ENPP1: variants seen among roughly 807,000 people sequenced by gnomAD.
ENPP1 encodes ectonucleotide pyrophosphatase/phosphodiesterase family member 1.
A neutral mutation model predicts 122.8 loss-of-function variants in ENPP1; 73 were observed. The observed-to-expected ratio is 0.59, with a 90% CI of 0.49 to 0.72. ENPP1 has a LOEUF of 0.72. Among genes scored for constraint, ENPP1 ranks in the 30% least tolerant of loss-of-function variants. ENPP1 has a pLI of 0.00. For missense variants in ENPP1, 978 were observed against 1,128.1 expected, an observed-to-expected ratio of 0.87 and a Z score of 1.91; for synonymous variants, 367 against 391.6, an observed-to-expected ratio of 0.94 and a Z score of 0.74.
intron 16 of ENPP1, among the ~76,000 whole-genome samples, chr6:131,875,168 T>A (rs936532879): frequency 1.1e-4 from 16 of 152,166 alleles, no homozygotes; most frequent in African/African-American, 3.9e-4. Flanking sequence ...CACTGTGCAA[T>A]ATATCCATGT....
At chr6:131,851,053 A>C (rs1781874288) in intron 3 of ENPP1, 89 bp from the exon 4 acceptor site, 3 of 1,446,286 alleles carry the variant, frequency 2.1e-6, no homozygotes, top group Non-Finnish European at 2.9e-6. Flanking sequence ...TTGCTCATGG[A>C]TCATACTCAG....
rs1053317243 is a variant in ENPP1, at chr6:131,833,580, T to C, written c.241-14196T>C. ...TTTGTGTCATACTTGTAAAGCAAAA[T>C]TGTAAAAATATTTGCTCATCTTTTC... is the stretch of plus-strand genomic sequence containing the variant. On this transcript the variant is annotated intron_variant, in intron 1 of 24. Transcript: ENST00000647893. Among the ~76,000 whole-genome samples the C allele has an allele frequency of 3.3e-5, 5 of 152,324 alleles. No individual in the cohort carries two copies. The East Asian group carries it at 5.8e-4, about 18-fold the overall frequency.
intron 13 of ENPP1, among the ~76,000 whole-genome samples, chr6:131,869,838 T>TG (rs1782138436): frequency 2.2e-5 from 3 of 133,578 alleles, no homozygotes; most frequent in Non-Finnish European, 3.1e-5. Flanking sequence ...CCTGGGCAAC[T>TG]GAGTGAGACT....
rs78442635 is a variant in ENPP1, at chr6:131,880,891, G to T, written c.2100+857G>T. The stretch of plus-strand genomic sequence containing the variant: ...AGAGGAGTTAGGCCTTGAAAGGAGT[G>T]AGGGCAAATATCCCAGAATAAGAGC... On this transcript the variant is annotated intron_variant, in intron 20 of 24. Coordinates refer to ENST00000647893, the MANE Select transcript of ENPP1 (RefSeq NM_006208.3). Among the ~76,000 whole-genome samples, 718 of 152,272 alleles carry T rather than the reference G, an allele frequency of 4.7e-3. 3 individuals are homozygous for T. The highest frequency in any genetic ancestry group is 0.016 in the African/African-American group (679 of 41,562).
At position 131,808,158 on chromosome 6, in the gene ENPP1, G is replaced by GTGTA; in HGVS notation, c.123_124insTGTA (p.Asp42CysfsTer36). 6.9e-7 allele frequency: 1 copy of GTGTA among 1,452,470 alleles called. No homozygotes were observed. The highest frequency in any genetic ancestry group is 3.0e-5 in the East Asian group (1 of 33,252). The allele number at this position is 1,452,470 out of a possible 1,614,324, so 90.0% of individuals were successfully genotyped here. A position where few individuals can be genotyped will look rare whatever the true frequency, so the allele number is the denominator to read the frequency against. On this transcript the variant is annotated frameshift_variant, in exon 1 of 25. Coordinates refer to ENST00000647893, the MANE Select transcript of ENPP1 (RefSeq NM_006208.3). LOFTEE classifies it high-confidence loss of function. ...GCAGCCACGCTGCCGAGGCGCCCGG[G>GTGTA]GACCCGCAGGCGGCCGCGTCCTTGC...
rs1423613557 is a variant in ENPP1, at chr6:131,890,385, ACACAGAGCACGGAT to A, written c.2659_2672del (p.Ala887CysfsTer2). The A allele has an allele frequency of 6.8e-6, 11 of 1,613,764 alleles. No individual in the cohort carries two copies. The highest frequency in any genetic ancestry group is 8.5e-6 in the Non-Finnish European group (10 of 1,179,738). ...CATGGGTTGAAGAATTGTTAATGTTACACAGAGCACGGATCACAGATGTTGAGCACATCACTGGA... is the reference window on the plus strand; with the variant it reads ...CATGGGTTGAAGAATTGTTAATGTTACACAGATGTTGAGCACATCACTGGA... On this transcript the variant is annotated frameshift_variant, in exon 25 of 25. Coordinates refer to ENST00000647893, the MANE Select transcript of ENPP1 (RefSeq NM_006208.3). LOFTEE classifies it high-confidence loss of function.
chr6:131,816,013 G>A (rs901028848), intron 1 of ENPP1, among the ~76,000 whole-genome samples: 3 of 148,494 alleles, frequency 2.0e-5, no homozygotes, highest in African/African-American at 5.1e-5. Context: ...GAGCCACCAC[G>A]CCCGGCTGTA....
In ENPP1 at chr6:131,895,019, A is replaced by G. The variant is rs1269517562; in HGVS notation, c.*4508A>G. 1.3e-5 allele frequency: 2 copies of G among 152,256 alleles called. No homozygotes were observed. The highest frequency in any genetic ancestry group is 2.9e-5 in the Non-Finnish European group (2 of 68,052). The allele number at this position is 152,256 out of a possible 1,614,324, so 9.4% of individuals were successfully genotyped here. ...CATAAGCATTAAGTAAAATTTTATA[A>G]TGACTGCAGTCCAAGGACATTTTCC... On this transcript the variant is annotated 3_prime_UTR_variant, in exon 25 of 25. Coordinates refer to ENST00000647893, the MANE Select transcript of ENPP1 (RefSeq NM_006208.3).
chr6:131,882,324 CT>C lies in ENPP1; in HGVS notation c.2101-19del. ...TCTCTGTGCCTGATATCTGAGAGTT[CT>C]TCTCATTTTCGTTCTTCAGGACAGT... On this transcript the variant is annotated intron_variant, in intron 20 of 24. Coordinates refer to ENST00000647893, the MANE Select transcript of ENPP1 (RefSeq NM_006208.3). The C allele has an allele frequency of 3.2e-6, 5 of 1,553,588 alleles. No individual in the cohort carries two copies. The highest frequency in any genetic ancestry group is 4.3e-6 in the Non-Finnish European group (5 of 1,160,134).
At chr6:131,827,098 C>G (rs1427211285) in intron 1 of ENPP1, 2 of 671,616 alleles carry the variant, frequency 3.0e-6, no homozygotes, top group Non-Finnish European at 5.6e-6. Context: ...ACCTCCATTT[C>G]GGTGAACTCA....
intron 1 of ENPP1, among the ~76,000 whole-genome samples, chr6:131,834,298 G>A (rs549816477): frequency 1.1e-4 from 16 of 152,258 alleles, no homozygotes; most frequent in African/African-American, 3.9e-4. Context: ...GACAGAAGAG[G>A]AGAATAATTG....
rs1194612737 is a variant in ENPP1 at position 131,854,994 on chromosome 6, G to A, written c.686G>A (p.Gly229Asp). Residue 229 changes from glycine to aspartate, a missense_variant, in exon 6 of 25, where the codon GGT becomes GAT. By Grantham distance (94) the Gly-to-Asp change is moderately conservative. Coordinates refer to ENST00000647893, the MANE Select transcript of ENPP1 (RefSeq NM_006208.3). ...AGGGCAGAATATTTACACACTTGGGGTGGACTTCTTCCTGTTATTAGCAAA... is the reference window on the plus strand; with the variant it reads ...AGGGCAGAATATTTACACACTTGGGATGGACTTCTTCCTGTTATTAGCAAA... Reference protein sequence around the residue: ...GFRAEYLHTWGGLLPVISKLK... With the variant: ...GFRAEYLHTWDGLLPVISKLK... The A allele has an allele frequency of 2.5e-6, 4 of 1,613,062 alleles. No homozygotes were observed. The highest frequency in any genetic ancestry group is 3.4e-6 in the Non-Finnish European group (4 of 1,179,212).
chr6:131,887,320 A>G (rs1192026696), intron 24 of ENPP1, among the ~76,000 whole-genome samples: 1 of 151,562 alleles, frequency 6.6e-6, no homozygotes, highest in African/African-American at 2.4e-5. Context: ...ATTGTTTTAT[A>G]TTATCTTATT....
At chr6:131,855,433 C>G (rs1429626192) in intron 6 of ENPP1, among the ~76,000 whole-genome samples, 6 of 152,080 alleles carry the variant, frequency 3.9e-5, no homozygotes, top group East Asian at 1.9e-4. Context: ...TCAAGTGATT[C>G]TCGTGCCACA....
chr6:131,867,828 C>G (rs1164404072), intron 11 of ENPP1, among the ~76,000 whole-genome samples, 190 bp from the exon 12 acceptor site: 1 of 152,122 alleles, frequency 6.6e-6, no homozygotes, highest in Admixed American at 6.6e-5. Flanking sequence ...ATCTCTGACC[C>G]TGACCTGTCT....
chr6:131,862,557 C>T (rs1477582527), intron 9 of ENPP1, among the ~76,000 whole-genome samples: 2 of 152,092 alleles, frequency 1.3e-5, no homozygotes, highest in East Asian at 1.9e-4. Flanking sequence ...GACAGGAGTT[C>T]GGGAAGTGGG....
At chr6:131,854,836 C>T (rs1781925103) in intron 5 of ENPP1, 90 bp from the exon 6 acceptor site, 3 of 894,104 alleles carry the variant, frequency 3.4e-6, no homozygotes, top group Non-Finnish European at 5.6e-6. Context: ...AAAATCTTCA[C>T]TGGACCTGTG....
At chr6:131,854,551 T>C (rs1204030201) in intron 5 of ENPP1, among the ~76,000 whole-genome samples, 1 of 152,192 alleles carries the variant, frequency 6.6e-6, no homozygotes, top group Non-Finnish European at 1.5e-5. Flanking sequence ...TTATATGCTG[T>C]TGTTTTTTAT....
Position 131,891,324 on chromosome 6 carries a change from A to C in ENPP1, c.*813A>C, listed in dbSNP as rs986446257. On this transcript the variant is annotated 3_prime_UTR_variant, in exon 25 of 25. Coordinates refer to ENST00000647893, the MANE Select transcript of ENPP1 (RefSeq NM_006208.3). ...GTACCTTATCTTGGCAAAACTTCAG[A>C]GCACCAGTCAGTGCATGCAAGGTGC... 1.4e-5 allele frequency: 2 copies of C among 146,746 alleles called. No homozygotes were observed. The highest frequency in any genetic ancestry group is 4.9e-5 in the African/African-American group (2 of 41,144). 9.1% of individuals were successfully genotyped at this position (146,746 alleles called of 1,614,324 possible).
Sources: allele counts gnomAD v4.1 joint callset (sites outside exome capture counted in the v4.1 genomes callset), GRCh38; gene constraint gnomAD v4.1.1; transcripts MANE v1.5; gene names NCBI Gene and HGNC (gene_info 2026-07-23, HGNC 2026-07-21).